Variants in GLIS1 observed in about 807,000 individuals in gnomAD.
GLIS1 encodes GLIS family zinc finger 1.
A neutral mutation model predicts 63.8 loss-of-function variants in GLIS1; 24 were observed. The observed-to-expected ratio is 0.38, with a 90% CI of 0.27 to 0.53. The LOEUF (loss-of-function observed/expected upper bound fraction) is 0.53, where lower values mean the gene tolerates loss of function less well. Ranked by LOEUF, GLIS1 falls within the 20% of genes least tolerant of loss-of-function variation. The probability of loss-of-function intolerance (pLI) is 0.85; values close to 1 mark genes in which losing one functional copy is unlikely to be tolerated. For synonymous variants in GLIS1, 450 were observed against 482.5 expected (o/e 0.93, Z 0.88); for missense variants, 1,036 against 1,074.1 (o/e 0.96, Z 0.50).
At chr1:53,663,940 C>CGG (rs36118151) in intron 2 of GLIS1, among the ~76,000 whole-genome samples, 6 of 151,942 alleles carry the variant, frequency 3.9e-5, no homozygotes, top group Non-Finnish European at 7.4e-5. Flanking sequence ...AAAGACTAGC[C>CGG]GGGGGGCTCT....
chr1:53,602,103 G>A (rs904851031), intron 2 of GLIS1, among the ~76,000 whole-genome samples: 6 of 152,284 alleles, frequency 3.9e-5, no homozygotes, highest in South Asian at 2.1e-4. Context: ...GTCCTGGCCC[G>A]TCCTGCTGCG....
chr1:53,711,732 C>T (rs573313605), intron 2 of GLIS1, among the ~76,000 whole-genome samples: 23 of 152,366 alleles, frequency 1.5e-4, no homozygotes, highest in African/African-American at 5.5e-4. Context: ...GTAGCATAAC[C>T]TTCACAAGTA....
At chr1:53,714,560 T>C (rs1226793965) in intron 2 of GLIS1, among the ~76,000 whole-genome samples, 3 of 152,240 alleles carry the variant, frequency 2.0e-5, no homozygotes, top group African/African-American at 7.2e-5. Flanking sequence ...CACGATGGTC[T>C]GAAAGATGGT....
chr1:53,641,998 C>T (rs1046818204), intron 2 of GLIS1, among the ~76,000 whole-genome samples: 1 of 152,240 alleles, frequency 6.6e-6, no homozygotes, highest in African/African-American at 2.4e-5. Flanking sequence ...TGTCTGCTCC[C>T]TGACCCCACT....
intron 2 of GLIS1, among the ~76,000 whole-genome samples, chr1:53,709,415 C>CATATATATAT (rs777561220): frequency 8.1e-6 from 1 of 123,648 alleles, no homozygotes; most frequent in Non-Finnish European, 1.6e-5. Context: ...TATATATACA[C>CATATATATAT]ACACACACAC....
intron 4 of GLIS1, among the ~76,000 whole-genome samples, chr1:53,593,523 G>A (rs933353629): frequency 2.6e-5 from 4 of 152,206 alleles, no homozygotes; most frequent in Non-Finnish European, 5.9e-5. Flanking sequence ...CAGGAAGAAC[G>A]CTACTGGTAC....
intron 2 of GLIS1, among the ~76,000 whole-genome samples, chr1:53,688,251 G>C (rs893408177): frequency 6.6e-6 from 1 of 152,242 alleles, no homozygotes; most frequent in Non-Finnish European, 1.5e-5. Context: ...CCAGGAATGC[G>C]AGTGTGGGCT....
At chr1:53,734,109 C>T (rs1646890642) in intron 2 of GLIS1, 2 of 984,074 alleles carry the variant, frequency 2.0e-6, no homozygotes, top group Non-Finnish European at 2.4e-6. Context: ...TTGGCATTTA[C>T]AGCCATGATG....
At chr1:53,658,919 G>A (rs1645996548) in intron 2 of GLIS1, among the ~76,000 whole-genome samples, 1 of 152,210 alleles carries the variant, frequency 6.6e-6, no homozygotes. Context: ...GGGCACAGCA[G>A]GCAGGAGGAA....
intron 2 of GLIS1, among the ~76,000 whole-genome samples, chr1:53,685,620 C>G (rs915069118): frequency 6.6e-6 from 1 of 151,378 alleles, no homozygotes; most frequent in Non-Finnish European, 1.5e-5. Flanking sequence ...TTTCCCCTCT[C>G]TTCCAACAAG....
rs1644465543 is a variant in GLIS1, at chr1:53,526,046, G to C, written c.1483-1159C>G. Among the ~76,000 whole-genome samples, 1 of 152,174 alleles carries C rather than the reference G, an allele frequency of 6.6e-6. No individual in the cohort carries two copies. The highest frequency in any genetic ancestry group is 2.1e-4 in the South Asian group (1 of 4,836). On this transcript the variant is annotated intron_variant, in intron 5 of 10. Transcript: ENST00000628545. This position sits in a 1 kb window ranked among gnomAD's most constrained non-coding sequence, Gnocchi z 4.4. ...CTTGAGGACTCTGGCCGCTGCTGGGGCTTGAAGCTTACAAGGCTTCCCTTT... is the reference window on the plus strand; with the variant it reads ...CTTGAGGACTCTGGCCGCTGCTGGGCCTTGAAGCTTACAAGGCTTCCCTTT...
intron 2 of GLIS1, among the ~76,000 whole-genome samples, chr1:53,611,732 G>A (rs1569916094): frequency 6.6e-6 from 1 of 152,230 alleles, no homozygotes; most frequent in African/African-American, 2.4e-5. Context: ...GAAAGTTTGG[G>A]ATACCAAGCT....
chr1:53,641,382 T>TCCTA (rs1455809996), intron 2 of GLIS1, among the ~76,000 whole-genome samples: 6 of 152,180 alleles, frequency 3.9e-5, no homozygotes, highest in Non-Finnish European at 5.9e-5. Flanking sequence ...GGAACAGCTT[T>TCCTA]CCTACAGTGA....
At chr1:53,611,012 TTAA>T (rs1426794878) in intron 2 of GLIS1, among the ~76,000 whole-genome samples, 2 of 152,218 alleles carry the variant, frequency 1.3e-5, no homozygotes, top group Non-Finnish European at 2.9e-5. Context: ...TTTCATTTTA[TTAA>T]TTTTTATGGT....
At chr1:53,730,225 G>A (rs181804669) in intron 2 of GLIS1, among the ~76,000 whole-genome samples, 1 of 152,120 alleles carries the variant, frequency 6.6e-6, no homozygotes, top group African/African-American at 2.4e-5. Context: ...TAGGACAAAA[G>A]TATTCGGTGG....
At chr1:53,524,591 G>A (rs569575741) in intron 6 of GLIS1, among the ~76,000 whole-genome samples, 186 bp downstream of exon 6, 1 of 152,336 alleles carries the variant, frequency 6.6e-6, no homozygotes, top group Non-Finnish European at 1.5e-5. Context: ...GAAGGGCTGC[G>A]GGTCAGCAGA....
chr1:53,718,691 C>T (rs1411454054), intron 2 of GLIS1, among the ~76,000 whole-genome samples: 1 of 152,142 alleles, frequency 6.6e-6, no homozygotes, highest in South Asian at 2.1e-4. Context: ...ACTTGTTCCC[C>T]ATCCCCACCC....
chr1:53,630,300 T>C (rs1464114746), intron 2 of GLIS1, among the ~76,000 whole-genome samples: 1 of 152,212 alleles, frequency 6.6e-6, no homozygotes, highest in Non-Finnish European at 1.5e-5. Flanking sequence ...TAAATAATGC[T>C]GTGATGGGTG....
At position 53,509,211 on chromosome 1, in the gene GLIS1, G is replaced by A. The variant is rs140697112; in HGVS notation, c.2139C>T (p.Ala713=). The A allele has an allele frequency of 3.3e-4, 526 of 1,597,852 alleles. 3 individuals are homozygous for A. Among genetic ancestry groups the A allele is most frequent in the South Asian group, 2.9e-3 (259 of 87,998 alleles). The change falls in exon 10 of 11, where the codon GCC becomes GCT. Residue 713 remains alanine (A), a synonymous_variant. Transcript: ENST00000628545. ...GDCYRMAEPA[A]GGDGLVGETH... ...TCTCCCCGACCAGTCCGTCCCCACCGGCTGCTGGTTCAGCCATCCGGTAGC... is the reference window on the plus strand; with the variant it reads ...TCTCCCCGACCAGTCCGTCCCCACCAGCTGCTGGTTCAGCCATCCGGTAGC...
Sources: allele counts gnomAD v4.1 joint callset (sites outside exome capture counted in the v4.1 genomes callset), GRCh38; gene constraint gnomAD v4.1.1; non-coding constraint Gnocchi (gnomAD v3.1); transcripts MANE v1.5; gene names NCBI Gene and HGNC (gene_info 2026-07-23, HGNC 2026-07-21).